The following RAVER1 variants were observed in gnomAD, a reference collection of about 807,000 sequenced individuals.
The protein encoded by RAVER1 is ribonucleoprotein, PTB binding 1, also known as ribonucleoprotein PTB-binding 1.
RAVER1 carries 36 observed loss-of-function variants against 68.4 expected under a neutral mutation model. The ratio of observed to expected loss-of-function variants is 0.53; its 90% CI spans 0.40 to 0.70. RAVER1 has a LOEUF of 0.70. Ranked by LOEUF, RAVER1 falls within the 30% of genes least tolerant of loss-of-function variation. The probability of loss-of-function intolerance (pLI) is 0.00; values close to 1 mark genes in which losing one functional copy is unlikely to be tolerated. For synonymous variants in RAVER1, 469 were observed against 472.7 expected, an observed-to-expected ratio of 0.99 and a Z score of 0.10; for missense variants, 933 against 1,019.8, an observed-to-expected ratio of 0.91 and a Z score of 1.16.
chr19:10,329,757 A>C lies in RAVER1; in HGVS notation c.287-646T>G, dbSNP rs1025589776. 4.6e-5 allele frequency among the ~76,000 whole-genome samples: 7 copies of C among 152,114 alleles called. No homozygotes were observed. Among genetic ancestry groups the C allele is most frequent in the Non-Finnish European group, 1.0e-4 (7 of 68,016 alleles). On this transcript the variant is annotated intron_variant, in intron 2 of 12. Transcript: ENST00000617231. This position sits in a 1 kb window ranked among gnomAD's most constrained non-coding sequence, Gnocchi z 4.6. ...TGTTCAAAACGATCACGCCACATCCATCTTGTGGCTTCTAGCTGCAGGGTG... is the reference window on the plus strand; with the variant it reads ...TGTTCAAAACGATCACGCCACATCCCTCTTGTGGCTTCTAGCTGCAGGGTG...
In RAVER1 at chr19:10,316,659, G is replaced by GTTC; in HGVS notation, c.*794_*795insGAA. 1 of 746,640 alleles carries GTTC rather than the reference G, an allele frequency of 1.3e-6. No individual in the cohort carries two copies. Among genetic ancestry groups the GTTC allele is most frequent in the Non-Finnish European group, 1.6e-6 (1 of 611,190 alleles). The allele number at this position is 746,640 out of a possible 1,614,324, so 46.3% of individuals were successfully genotyped here. On this transcript the variant is annotated 3_prime_UTR_variant, in exon 13 of 13. Transcript: ENST00000617231. ...GGTGGGGCCGGTTCGCCAAGATGAA[G>GTTC]GCTTTCCCCTTCTACTGTCCCCAGG...
At position 10,323,417 on chromosome 19, in the gene RAVER1, G is replaced by A. The variant is rs747956514; in HGVS notation, c.906C>T (p.Pro302=). 1.8e-5 allele frequency: 29 copies of A among 1,604,818 alleles called. 1 individual carries two copies. The East Asian group carries it at 2.0e-4, about 11-fold the overall frequency. The part of the protein sequence containing the change: ...LRVSFCAPGP[P]GRSMLAALIA... Reference sequence around the variant, plus strand: ...TGAGAGCGGCCAGCATACTGCGGCCGGGGGGCCCAGGGGCGCAGAAGGAGA... The same window carrying A: ...TGAGAGCGGCCAGCATACTGCGGCCAGGGGGCCCAGGGGCGCAGAAGGAGA... Residue 302 remains proline (P), a synonymous_variant, in exon 4 of 13, where the codon CCC becomes CCT. Transcript: ENST00000617231. The surrounding 1 kb of genome is among the most constrained non-coding windows in gnomAD (Gnocchi z 6.2).
chr19:10,323,253 G>C lies in RAVER1; in HGVS notation c.970C>G (p.Leu324Val). ...TGCAGGATGTTGGGCTCGGGGAGGA[G>C]TCCCTTCCCCCGATTGAGGGCCTGC... ...QATALNRGKG[L>V]LPEPNILQLL... The change falls in exon 5 of 13, where the codon CTC becomes GTC. Residue 324 changes from leucine to valine, a missense_variant. Around this residue, in one of 3 missense-constraint regions of RAVER1, gnomAD observed 699 missense variants for 731.1 expected, o/e 0.96. Transcript: ENST00000617231. The surrounding 1 kb of genome is among the most constrained non-coding windows in gnomAD (Gnocchi z 6.2). The C allele has an allele frequency of 6.2e-7, 1 of 1,613,462 alleles. No homozygotes were observed. The highest frequency in any genetic ancestry group is 1.1e-5 in the South Asian group (1 of 91,072).
intron 1 of RAVER1, 36 bp from the exon 2 acceptor site, chr19:10,330,562 G>A (rs1324467022): frequency 6.6e-6 from 7 of 1,059,622 alleles, no homozygotes; most frequent in Non-Finnish European, 8.6e-6. Flanking sequence ...GGGAGTTACT[G>A]GAGATGGAAG....
chr19:10,329,607 G>C lies in RAVER1; in HGVS notation c.287-496C>G, dbSNP rs573541110. ...AGCCTGGACTTGAACCCAGGCAGCC[G>C]GACTCCAGAGGCCCACTCTACACAC... is the stretch of plus-strand genomic sequence containing the variant. On this transcript the variant is annotated intron_variant, in intron 2 of 12. Coordinates refer to ENST00000617231, the MANE Select transcript of RAVER1 (RefSeq NM_133452.3). The surrounding 1 kb of genome is among the most constrained non-coding windows in gnomAD (Gnocchi z 4.6). Among the ~76,000 whole-genome samples the C allele has an allele frequency of 6.6e-6, 1 of 151,780 alleles. No individual in the cohort carries two copies. Among genetic ancestry groups the C allele is most frequent in the Non-Finnish European group, 1.5e-5 (1 of 67,814 alleles).
chr19:10,322,826 G>C lies in RAVER1; in HGVS notation c.1079-87C>G. ...AACACAGCCCTGAACCCATTGATGGGGCAGGAAACTGACACTCTGGGGCCG... is the reference window on the plus strand; with the variant it reads ...AACACAGCCCTGAACCCATTGATGGCGCAGGAAACTGACACTCTGGGGCCG... On this transcript the variant is annotated intron_variant, in intron 5 of 12. Transcript: ENST00000617231. This position sits in a 1 kb window ranked among gnomAD's most constrained non-coding sequence, Gnocchi z 4.3. The C allele has an allele frequency of 1.3e-6, 1 of 775,386 alleles. No individual in the cohort carries two copies. The highest frequency in any genetic ancestry group is 1.9e-6 in the Non-Finnish European group (1 of 514,052). The allele number at this position is 775,386 out of a possible 1,614,324, so 48.0% of individuals were successfully genotyped here.
At position 10,318,322 on chromosome 19, in the gene RAVER1, G is replaced by A. The variant is rs768605930; in HGVS notation, c.1896C>T (p.Gly632=). 9.9e-5 allele frequency: 158 copies of A among 1,601,612 alleles called. No homozygotes were observed. Among genetic ancestry groups the A allele is most frequent in the Non-Finnish European group, 1.3e-4 (149 of 1,175,486 alleles). ...AATAGAAGTGAGACAGGGGGCCCCC[G>A]CCACTCCCACCGCTGCTCCGTTCGC... ...GFGERSSGGS[G]GGPLSHFYSG... Residue 632 remains glycine, a synonymous_variant, in exon 11 of 13, where the codon GGC becomes GGT. Coordinates refer to ENST00000617231, the MANE Select transcript of RAVER1 (RefSeq NM_133452.3).
intron 9 of RAVER1, 117 bp downstream of exon 9, chr19:10,320,538 C>G: frequency 1.5e-6 from 1 of 669,130 alleles, no homozygotes; most frequent in Non-Finnish European, 2.4e-6. Context: ...GAGACCATAT[C>G]TGGCACGTTC....
rs1455628257 is a variant in RAVER1, at chr19:10,317,978, G to A, written c.1990-205C>T. On this transcript the variant is annotated intron_variant, in intron 11 of 12. Coordinates refer to ENST00000617231, the MANE Select transcript of RAVER1 (RefSeq NM_133452.3). This position sits in a 1 kb window ranked among gnomAD's most constrained non-coding sequence, Gnocchi z 4.3. ...TCGGTTTTCTCATCTGTCAGATGGG[G>A]CCAGTAGCACCCACAGCCTGGGCTG... is the stretch of plus-strand genomic sequence containing the variant. 6.6e-6 allele frequency among the ~76,000 whole-genome samples: 1 copy of A among 152,232 alleles called. No homozygotes were observed. Among genetic ancestry groups the A allele is most frequent in the South Asian group, 2.1e-4 (1 of 4,836 alleles).
In RAVER1 at chr19:10,329,194, G is replaced by A; in HGVS notation, c.287-83C>T. 1 of 867,908 alleles carries A rather than the reference G, an allele frequency of 1.2e-6. No individual in the cohort carries two copies. The highest frequency in any genetic ancestry group is 1.7e-6 in the Non-Finnish European group (1 of 572,478). 53.8% of individuals were successfully genotyped at this position (867,908 alleles called of 1,614,324 possible). A position where few individuals can be genotyped will look rare whatever the true frequency, so the allele number is the denominator to read the frequency against. ...CCCCGCCACCCTGCAAACCAGGTGG[G>A]ACCTCCAAATGCTGGGCATCTCAGG... On this transcript the variant is annotated intron_variant, in intron 2 of 12. Coordinates refer to ENST00000617231, the MANE Select transcript of RAVER1 (RefSeq NM_133452.3). This position sits in a 1 kb window ranked among gnomAD's most constrained non-coding sequence, Gnocchi z 4.6.
Position 10,323,000 on chromosome 19 carries a change from C to G in RAVER1, c.1078+145G>C, listed in dbSNP as rs1241537663. The G allele has an allele frequency of 1.4e-5, 10 of 717,946 alleles. No homozygotes were observed. The highest frequency in any genetic ancestry group is 9.3e-5 in the Admixed American group (3 of 32,292). 44.5% of individuals were successfully genotyped at this position (717,946 alleles called of 1,614,324 possible). On this transcript the variant is annotated intron_variant, in intron 5 of 12. Coordinates refer to ENST00000617231, the MANE Select transcript of RAVER1 (RefSeq NM_133452.3). The surrounding 1 kb of genome is among the most constrained non-coding windows in gnomAD (Gnocchi z 4.3). ...GGCCCCCAGTTGTGGACAGCAGCAG[C>G]CCCCGCTATGACTCCATACTCCCCC...
intron 10 of RAVER1, among the ~76,000 whole-genome samples, chr19:10,318,833 A>G (rs2040414060): frequency 6.6e-6 from 1 of 152,224 alleles, no homozygotes; most frequent in Admixed American, 6.5e-5. Flanking sequence ...TAGCTCACTG[A>G]GACCCAGGTG....
Position 10,329,059 on chromosome 19 carries a change from G to A in RAVER1, c.339C>T (p.Phe113=), listed in dbSNP as rs1390332696. Residue 113 remains phenylalanine, a synonymous_variant, in exon 3 of 13, where the codon TTC becomes TTT. Transcript: ENST00000617231. The surrounding 1 kb of genome is among the most constrained non-coding windows in gnomAD (Gnocchi z 4.6). ...CACGCTCCCGCAGGCGGCTCTGGTGGAAAGCATTGATTGCGGCCTCGGCCT... is the reference window on the plus strand; with the variant it reads ...CACGCTCCCGCAGGCGGCTCTGGTGAAAAGCATTGATTGCGGCCTCGGCCT... The part of the protein sequence containing the change: ...GEQAEAAINA[F]HQSRLREREL... The A allele has an allele frequency of 2.0e-6, 3 of 1,526,292 alleles. No homozygotes were observed. The highest frequency in any genetic ancestry group is 2.6e-5 in the South Asian group (2 of 77,780). The allele number at this position is 1,526,292 out of a possible 1,614,324, so 94.5% of individuals were successfully genotyped here.
In RAVER1 at chr19:10,328,331, A is replaced by T. The variant is rs553075851; in HGVS notation, c.756+311T>A. Among the ~76,000 whole-genome samples, 229 of 152,274 alleles carry T rather than the reference A, an allele frequency of 1.5e-3. No individual in the cohort carries two copies. The highest frequency in any genetic ancestry group is 5.2e-3 in the African/African-American group (215 of 41,562). On this transcript the variant is annotated intron_variant, in intron 3 of 12. Transcript: ENST00000617231. The surrounding 1 kb of genome is among the most constrained non-coding windows in gnomAD (Gnocchi z 4.4). ...GTAATCCCAGCACTTTGGGAGGATC[A>T]CCTGAGGCCAGGAGTTCAAGACTAT...
In RAVER1 at chr19:10,323,357, C is replaced by G; in HGVS notation, c.948+18G>C. 6.2e-7 allele frequency: 1 copy of G among 1,606,772 alleles called. No homozygotes were observed. The highest frequency in any genetic ancestry group is 8.5e-7 in the Non-Finnish European group (1 of 1,176,630). ...GGCTCCCATCCCCACCCCGCCACCT[C>G]TGCCCGCACAGGCTCACCGTGGCCT... is the stretch of plus-strand genomic sequence containing the variant. On this transcript the variant is annotated intron_variant, in intron 4 of 12. Transcript: ENST00000617231. This position sits in a 1 kb window ranked among gnomAD's most constrained non-coding sequence, Gnocchi z 6.2.
chr19:10,319,005 A>C (rs549067923), intron 10 of RAVER1, among the ~76,000 whole-genome samples, 161 bp downstream of exon 10: 13 of 152,274 alleles, frequency 8.5e-5, no homozygotes, highest in African/African-American at 3.1e-4. Context: ...TCATGGAGCC[A>C]CTGCACTCCA....
rs756021010 is a variant in RAVER1 at position 10,319,211 on chromosome 19, G to A, written c.1800C>T (p.His600=). Residue 600 remains histidine (H), a synonymous_variant, in exon 10 of 13, where the codon CAC becomes CAT. Coordinates refer to ENST00000617231, the MANE Select transcript of RAVER1 (RefSeq NM_133452.3). ...SDMGPRRLFS[H]PREPALGPHG... ...GAGGCCCAAGGGCTGGTTCCCGTGG[G>A]TGGGAGAAGAGCCGCCGAGGTCCCA... is the stretch of plus-strand genomic sequence containing the variant. The A allele has an allele frequency of 7.4e-6, 12 of 1,613,768 alleles. No individual in the cohort carries two copies. The Admixed American group carries it at 8.3e-5, about 11-fold the overall frequency.
rs150220690 is a variant in RAVER1, at chr19:10,324,952, A to G, written c.757-1386T>C. On this transcript the variant is annotated intron_variant, in intron 3 of 12. Transcript: ENST00000617231. ...TATAATCCCAGCTCTTTGGGAGGCA[A>G]AGGCAGGAGGATCGTTTGAGCACAG... is the stretch of plus-strand genomic sequence containing the variant. 5.1e-3 allele frequency among the ~76,000 whole-genome samples: 782 copies of G among 152,212 alleles called. 32 individuals carry two copies. In the East Asian group the frequency reaches 0.097, roughly 19 times the overall value.
Position 10,323,546 on chromosome 19 carries a change from C to T in RAVER1, c.777G>A (p.Gly259=), listed in dbSNP as rs765624517. 1.6e-5 allele frequency: 26 copies of T among 1,592,060 alleles called. No homozygotes were observed. The South Asian group carries it at 2.6e-4, about 16-fold the overall frequency. Residue 259 remains glycine (G), a synonymous_variant, in exon 4 of 13, where the codon GGG becomes GGA. Coordinates refer to ENST00000617231, the MANE Select transcript of RAVER1 (RefSeq NM_133452.3). This position sits in a 1 kb window ranked among gnomAD's most constrained non-coding sequence, Gnocchi z 6.2. ...CCAGCACCGCGAAGCCCTTCAGCTG[C>T]CCATCCTGGCCGCACGCCAGCTGCC... ...TFCQLACGQD[G]QLKGFAVLEY...
Sources: gnomAD v4.1 joint callset for allele counts (sites outside exome capture counted in the v4.1 genomes callset) on GRCh38, gnomAD v4.1.1 for gene constraint, gnomAD v4.1.1 regional missense constraint, Gnocchi (gnomAD v3.1) non-coding constraint, MANE v1.5 for transcripts, NCBI Gene and HGNC (gene_info 2026-07-23, HGNC 2026-07-21) for gene names.